The following CDH18 variants were observed in gnomAD, a reference collection of about 807,000 sequenced individuals.
CDH18 encodes the protein cadherin 18.
Under a neutral mutation model 67.9 loss-of-function variants are expected in CDH18, and 31 were observed. The ratio of observed to expected loss-of-function variants is 0.46; its 90% CI spans 0.34 to 0.62. The LOEUF (loss-of-function observed/expected upper bound fraction) is 0.62, where lower values mean the gene tolerates loss of function less well. Ranked by LOEUF, CDH18 falls within the 20% of genes least tolerant of loss-of-function variation. The pLI, the probability that CDH18 is intolerant of heterozygous loss-of-function variation, is 0.01. For missense variants in CDH18, 890 were observed against 975.5 expected (o/e 0.91, Z 1.17); for synonymous variants, 362 against 347.2 (o/e 1.04, Z -0.48).
At chr5:19,757,606 TC>T (rs1771777448) in intron 3 of CDH18, among the ~76,000 whole-genome samples, 1 of 152,190 alleles carries the variant, frequency 6.6e-6, no homozygotes, top group Non-Finnish European at 1.5e-5. Context: ...AAAATCCTCC[TC>T]AGTTGAGCTC....
At chr5:19,603,155 C>T (rs1392841840) in intron 6 of CDH18, among the ~76,000 whole-genome samples, 2 of 152,072 alleles carry the variant, frequency 1.3e-5, no homozygotes, top group African/African-American at 2.4e-5. Flanking sequence ...GCAGTATACA[C>T]ATTAAATAAA....
chr5:20,472,337 C>T (rs2150241809), intron 1 of CDH18, among the ~76,000 whole-genome samples: 1 of 151,950 alleles, frequency 6.6e-6, no homozygotes, highest in East Asian at 1.9e-4. Context: ...GAGATATTGC[C>T]TTTATTTTTA....
intron 3 of CDH18, among the ~76,000 whole-genome samples, chr5:19,815,412 A>C (rs1779181236): frequency 1.3e-5 from 2 of 151,942 alleles, no homozygotes; most frequent in Admixed American, 1.3e-4. Context: ...CTTGTTGTAC[A>C]TTTAATTTTT....
chr5:20,040,259 AT>A (rs1740301431), intron 2 of CDH18, among the ~76,000 whole-genome samples: 1 of 152,154 alleles, frequency 6.6e-6, no homozygotes, highest in African/African-American at 2.4e-5. Context: ...CATTCTGCAT[AT>A]GTATCCCAGA....
Position 20,114,085 on chromosome 5 carries a change from G to A in CDH18, c.-517-122071C>T, listed in dbSNP as rs576705514. On this transcript the variant is annotated intron_variant, in intron 2 of 14. Coordinates refer to the CDH18 transcript ENST00000507958. ...TTTTAGAAGCATTTGTGATGTATAT[G>A]TCTATAAGCGGGACGCTCCTCACTC... Among the ~76,000 whole-genome samples, 14 of 152,288 alleles carry A rather than the reference G, an allele frequency of 9.2e-5. 1 individual carries two copies. The highest frequency in any genetic ancestry group is 3.4e-3 in the Middle Eastern group (1 of 294).
intron 2 of CDH18, among the ~76,000 whole-genome samples, chr5:20,212,809 C>T (rs1228311140): frequency 6.6e-6 from 1 of 151,968 alleles, no homozygotes; most frequent in Non-Finnish European, 1.5e-5. Flanking sequence ...AGGGTCTTGC[C>T]TCAGTGATGA....
chr5:19,733,152 C>A (rs1767845017), intron 4 of CDH18, among the ~76,000 whole-genome samples: 1 of 152,170 alleles, frequency 6.6e-6, no homozygotes, highest in Non-Finnish European at 1.5e-5. Context: ...GAAACCTCAT[C>A]TTCAAGCCAA....
At chr5:20,174,583 G>A (rs1429606286) in intron 2 of CDH18, among the ~76,000 whole-genome samples, 1 of 152,072 alleles carries the variant, frequency 6.6e-6, no homozygotes, top group Non-Finnish European at 1.5e-5. Flanking sequence ...AGTCAAACAT[G>A]CTAATTTAAA....
At chr5:19,560,955 G>A (rs1190387228) in intron 8 of CDH18, among the ~76,000 whole-genome samples, 2 of 152,128 alleles carry the variant, frequency 1.3e-5, no homozygotes, top group African/African-American at 2.4e-5. Flanking sequence ...AAATCACAAT[G>A]TGATACCACC....
At chr5:20,560,418 G>A (rs1023807397) in intron 1 of CDH18, among the ~76,000 whole-genome samples, 2 of 149,324 alleles carry the variant, frequency 1.3e-5, no homozygotes, top group Non-Finnish European at 3.0e-5. Flanking sequence ...GAAAAAGTAT[G>A]TTAGGAATCA....
intron 1 of CDH18, among the ~76,000 whole-genome samples, chr5:20,514,697 C>T (rs1447935931): frequency 6.6e-6 from 1 of 151,964 alleles, no homozygotes; most frequent in Non-Finnish European, 1.5e-5. Flanking sequence ...ACCATAACAT[C>T]CTGCGACTTA....
chr5:20,235,799 G>T (rs1379510049), intron 2 of CDH18, among the ~76,000 whole-genome samples: 1 of 152,116 alleles, frequency 6.6e-6, no homozygotes, highest in Non-Finnish European at 1.5e-5. Flanking sequence ...AAATTAAATT[G>T]TTCTACCAAA....
At chr5:19,957,481 T>C (rs1223246531) in intron 2 of CDH18, among the ~76,000 whole-genome samples, 1 of 151,816 alleles carries the variant, frequency 6.6e-6, no homozygotes, top group Non-Finnish European at 1.5e-5. Context: ...AATATCTACA[T>C]AGCCTTTGAA....
intron 1 of CDH18, among the ~76,000 whole-genome samples, chr5:20,419,738 A>G (rs1172749823): frequency 1.3e-5 from 2 of 150,646 alleles, no homozygotes; most frequent in East Asian, 3.9e-4. Flanking sequence ...CGGCCTCCCA[A>G]AGTTCTGGGA....
At chr5:19,842,380 TAGTG>T (rs139909321) in intron 2 of CDH18, among the ~76,000 whole-genome samples, 556 of 152,314 alleles carry the variant, frequency 3.7e-3, no homozygotes, top group Non-Finnish European at 6.0e-3. Context: ...GTTCTCTTGA[TAGTG>T]AGTAAGTTAT....
chr5:20,410,182 A>G (rs1746648296), intron 1 of CDH18, among the ~76,000 whole-genome samples: 1 of 47,046 alleles, frequency 2.1e-5, no homozygotes, highest in Non-Finnish European at 4.7e-5. Flanking sequence ...AAACACCACA[A>G]AAAGGAAAAC....
chr5:19,822,993 G>C (rs1780036538), intron 3 of CDH18, among the ~76,000 whole-genome samples: 1 of 152,136 alleles, frequency 6.6e-6, no homozygotes. Flanking sequence ...TCTTTCTCAG[G>C]GATGTTCCTT....
intron 2 of CDH18, among the ~76,000 whole-genome samples, chr5:20,106,695 A>T (rs998701660): frequency 2.0e-5 from 3 of 152,286 alleles, no homozygotes; most frequent in East Asian, 3.9e-4. Context: ...GTTTTAATGT[A>T]GATTTTATCT....
intron 8 of CDH18, among the ~76,000 whole-genome samples, chr5:19,559,925 C>CAA (rs766058553): frequency 0.042 from 6,138 of 145,322 alleles, 188 homozygotes; most frequent in East Asian, 0.056. Context: ...CAAAAACAAA[C>CAA]AAAAAAAAAA....
Sources: allele counts gnomAD v4.1 joint callset (sites outside exome capture counted in the v4.1 genomes callset), GRCh38; gene constraint gnomAD v4.1.1; transcripts MANE v1.5; gene names NCBI Gene and HGNC (gene_info 2026-07-23, HGNC 2026-07-21).